LOC400499: variants seen among roughly 807,000 people sequenced by gnomAD.
At chr16:11,396,290 C>A in the LOC400499 span, 2 of 395,040 alleles carry the variant, frequency 5.1e-6, no homozygotes, top group East Asian at 7.7e-5. Flanking sequence ...TGTGGAGGAG[C>A]TGCCTTGTCT....
the LOC400499 span, chr16:11,461,154 AG>A: frequency 4.0e-6 from 6 of 1,510,802 alleles, no homozygotes; most frequent in East Asian, 1.5e-4. Context: ...TGAGAGGGTC[AG>A]CCCCCAGGGA....
the LOC400499 span, among the ~76,000 whole-genome samples, chr16:11,406,910 G>C: frequency 6.6e-6 from 1 of 152,082 alleles, no homozygotes; most frequent in African/African-American, 2.4e-5. Context: ...GTGTGATTTC[G>C]GGGAGTCAAT....
the LOC400499 span, chr16:11,473,308 T>C: frequency 8.0e-5 from 12 of 149,840 alleles, no homozygotes; most frequent in East Asian, 1.6e-3. Context: ...AATTTGTATA[T>C]CTTCATTAAA....
the LOC400499 span, among the ~76,000 whole-genome samples, chr16:11,389,572 C>A: frequency 1.3e-5 from 2 of 151,512 alleles, no homozygotes; most frequent in African/African-American, 2.4e-5. Context: ...GTAGTCCCAG[C>A]TACTAGGGAG....
At chr16:11,454,293 G>A in the LOC400499 span, among the ~76,000 whole-genome samples, 1 of 152,220 alleles carries the variant, frequency 6.6e-6, no homozygotes, top group African/African-American at 2.4e-5. Context: ...TTTGTATTCT[G>A]TGATGGGTTA....
chr16:11,388,373 C>T, the LOC400499 span, among the ~76,000 whole-genome samples: 1 of 152,184 alleles, frequency 6.6e-6, no homozygotes, highest in Non-Finnish European at 1.5e-5. Flanking sequence ...GTCTTTTCCC[C>T]ATGATGTGGG....
chr16:11,454,215 C>A, the LOC400499 span, among the ~76,000 whole-genome samples: 1 of 152,240 alleles, frequency 6.6e-6, no homozygotes, highest in African/African-American at 2.4e-5. Context: ...TTATTTCCAA[C>A]CTAAAATTCT....
the LOC400499 span, among the ~76,000 whole-genome samples, chr16:11,385,751 C>G: frequency 3.3e-5 from 5 of 152,202 alleles, no homozygotes; most frequent in Non-Finnish European, 2.9e-5. Flanking sequence ...GCAGGCACAG[C>G]CATGGACAGA....
At chr16:11,459,940 A>G in the LOC400499 span, 1 of 1,502,310 alleles carries the variant, frequency 6.7e-7, no homozygotes, top group Non-Finnish European at 8.9e-7. Context: ...TCATTCTTGA[A>G]GGTCTGGCTG....
the LOC400499 span, chr16:11,385,310 G>A: frequency 1.1e-5 from 13 of 1,232,286 alleles, no homozygotes; most frequent in South Asian, 3.7e-4. Flanking sequence ...AGAATGTGTT[G>A]TGAGCAAAGT....
the LOC400499 span, chr16:11,383,681 C>G: frequency 8.1e-7 from 1 of 1,232,466 alleles, no homozygotes; most frequent in African/African-American, 1.5e-5. Flanking sequence ...AATCCACGGG[C>G]ACACAGGTGG....
the LOC400499 span, chr16:11,404,860 C>G: frequency 2.5e-6 from 1 of 398,830 alleles, no homozygotes; most frequent in Non-Finnish European, 4.4e-6. Flanking sequence ...CTGGGAAGAG[C>G]GCTGAGCTGG....
the LOC400499 span, among the ~76,000 whole-genome samples, chr16:11,421,831 T>G: frequency 6.6e-6 from 1 of 152,148 alleles, no homozygotes; most frequent in Admixed American, 6.5e-5. Flanking sequence ...ACTGGGGTGT[T>G]GAAAAGTTCT....
the LOC400499 span, chr16:11,522,200 A>G: frequency 2.5e-6 from 1 of 397,380 alleles, no homozygotes; most frequent in Admixed American, 4.4e-5. Flanking sequence ...CCTTGCTCAC[A>G]CCTCTCTCTC....
the LOC400499 span, chr16:11,385,431 C>T: frequency 2.4e-6 from 3 of 1,231,910 alleles, no homozygotes; most frequent in Non-Finnish European, 3.0e-6. Flanking sequence ...GTAGAAGCAG[C>T]CCAAAGGCAG....
At chr16:11,463,043 C>G in the LOC400499 span, among the ~76,000 whole-genome samples, 2 of 152,176 alleles carry the variant, frequency 1.3e-5, no homozygotes, top group East Asian at 1.9e-4. Flanking sequence ...GCCTTTCTTA[C>G]AGTACAACCC....
At chr16:11,408,537 T>C in the LOC400499 span, among the ~76,000 whole-genome samples, 10 of 150,164 alleles carry the variant, frequency 6.7e-5, no homozygotes, top group East Asian at 2.0e-3. Flanking sequence ...TGAACACAGC[T>C]TACTGCAGCC....
At chr16:11,444,409 A>C in the LOC400499 span, among the ~76,000 whole-genome samples, 1 of 152,004 alleles carries the variant, frequency 6.6e-6, no homozygotes, top group Non-Finnish European at 1.5e-5. Context: ...CTCAAAAAAG[A>C]CCCTCTAAGT....
At chr16:11,413,949 G>C in the LOC400499 span, among the ~76,000 whole-genome samples, 3 of 152,194 alleles carry the variant, frequency 2.0e-5, no homozygotes, top group African/African-American at 7.2e-5. Flanking sequence ...GCCTTGGTAA[G>C]GACGGTGCCA....
Sources: allele counts gnomAD v4.1 joint callset (sites outside exome capture counted in the v4.1 genomes callset), GRCh38; gene constraint gnomAD v4.1.1; transcripts MANE v1.5.